The following SYT1 variants were observed in gnomAD, a reference collection of about 807,000 sequenced individuals.
SYT1 encodes synaptotagmin 1.
Under a neutral mutation model 44.8 loss-of-function variants are expected in SYT1, and 8 were observed. The observed-to-expected ratio is 0.18, with a 90% CI of 0.10 to 0.32. The LOEUF is 0.32. SYT1 is among the 10% of genes least tolerant of loss of function. SYT1 has a pLI of 1.00. For synonymous variants in SYT1, 154 were observed against 188.8 expected (o/e 0.82, Z 1.51); for missense variants, 286 against 509.3 (o/e 0.56, Z 4.22).
chr12:78,894,655 T>G (rs955174554), intron 1 of SYT1, among the ~76,000 whole-genome samples: 2 of 151,528 alleles, frequency 1.3e-5, no homozygotes, highest in African/African-American at 4.8e-5. Context: ...TTACGGCTAT[T>G]TAAAGCCAGG....
chr12:79,150,143 GT>G lies in SYT1; in HGVS notation c.-17-67357del, dbSNP rs921546190. ...CATATCCATCAGTTCATATTCTAGT[GT>G]TTCATGGTGAGAGCATTTAAAATCT... On this transcript the variant is annotated intron_variant, in intron 3 of 10. Coordinates refer to ENST00000261205, the MANE Select transcript of SYT1 (RefSeq NM_005639.3). Among the ~76,000 whole-genome samples, 125 of 152,170 alleles carry G rather than the reference GT, an allele frequency of 8.2e-4. 2 individuals are homozygous for G. The highest frequency in any genetic ancestry group is 6.8e-3 in the Middle Eastern group (2 of 292).
At chr12:79,093,634 C>T (rs1212012384) in intron 3 of SYT1, among the ~76,000 whole-genome samples, 1 of 151,626 alleles carries the variant, frequency 6.6e-6, no homozygotes, top group Non-Finnish European at 1.5e-5. Context: ...CTTTACCCAA[C>T]TCTCTTGAAC....
At chr12:79,322,373 T>G (rs1226210498) in intron 8 of SYT1, among the ~76,000 whole-genome samples, 1 of 152,152 alleles carries the variant, frequency 6.6e-6, no homozygotes, top group Non-Finnish European at 1.5e-5. Flanking sequence ...ACTCTGAGAT[T>G]TACCACTTAC....
intron 2 of SYT1, among the ~76,000 whole-genome samples, chr12:79,009,927 G>A (rs1249380796): frequency 1.3e-5 from 2 of 152,046 alleles, no homozygotes; most frequent in Non-Finnish European, 2.9e-5. Flanking sequence ...CCTCATTGCT[G>A]TCACTGTTCT....
chr12:78,889,791 G>A (rs1420816031), intron 1 of SYT1, among the ~76,000 whole-genome samples: 1 of 151,752 alleles, frequency 6.6e-6, no homozygotes, highest in African/African-American at 2.4e-5. Flanking sequence ...AAACACTTTT[G>A]GATTTTGAAA....
chr12:79,312,879 A>G (rs2138944339), intron 8 of SYT1, among the ~76,000 whole-genome samples: 1 of 151,760 alleles, frequency 6.6e-6, no homozygotes, highest in South Asian at 2.1e-4. Flanking sequence ...GTCATGTGTA[A>G]CTAACTTTGT....
chr12:79,201,099 T>A (rs1487187110), intron 3 of SYT1, among the ~76,000 whole-genome samples: 2 of 152,096 alleles, frequency 1.3e-5, no homozygotes, highest in Non-Finnish European at 2.9e-5. Flanking sequence ...CCATGGAGCC[T>A]CTAAAAGGCT....
At chr12:79,082,075 C>T (rs1383162462) in intron 3 of SYT1, among the ~76,000 whole-genome samples, 2 of 152,156 alleles carry the variant, frequency 1.3e-5, no homozygotes, top group Admixed American at 6.5e-5. Context: ...ATGTAGTAAG[C>T]TGGACCTCAA....
intron 4 of SYT1, among the ~76,000 whole-genome samples, chr12:79,223,382 A>G (rs1315764840): frequency 6.6e-6 from 1 of 152,162 alleles, no homozygotes; most frequent in African/African-American, 2.4e-5. Flanking sequence ...GGAGTGGGCA[A>G]GAAGCCTGAG....
intron 4 of SYT1, among the ~76,000 whole-genome samples, chr12:79,228,786 C>T (rs756236882): frequency 8.5e-5 from 13 of 152,164 alleles, no homozygotes; most frequent in Non-Finnish European, 1.6e-4. Context: ...TCAAAACCAG[C>T]CAGCACTTCA....
chr12:79,310,805 G>C (rs1045783810), intron 8 of SYT1, among the ~76,000 whole-genome samples: 1 of 152,048 alleles, frequency 6.6e-6, no homozygotes, highest in Non-Finnish European at 1.5e-5. Flanking sequence ...CTCATAATTT[G>C]GCTCTCTGTT....
chr12:79,136,298 A>AGTT (rs2138196554), intron 3 of SYT1, among the ~76,000 whole-genome samples: 1 of 152,322 alleles, frequency 6.6e-6, no homozygotes, highest in East Asian at 1.9e-4. Flanking sequence ...TTGATAATTT[A>AGTT]GTTATCCCAT....
intron 5 of SYT1, among the ~76,000 whole-genome samples, chr12:79,291,157 T>C (rs929110197): frequency 8.5e-5 from 13 of 152,226 alleles, no homozygotes; most frequent in African/African-American, 2.4e-4. Flanking sequence ...CTTTCTAATA[T>C]TTCCATTTAT....
chr12:79,193,301 G>A (rs1187401574), intron 3 of SYT1, among the ~76,000 whole-genome samples: 1 of 152,012 alleles, frequency 6.6e-6, no homozygotes, highest in East Asian at 1.9e-4. Flanking sequence ...AGATGTACTA[G>A]GGAAATAAAT....
At chr12:79,261,781 A>G in intron 4 of SYT1, among the ~76,000 whole-genome samples, 1 of 152,166 alleles carries the variant, frequency 6.6e-6, no homozygotes, top group South Asian at 2.1e-4. Context: ...TTCAATTTTC[A>G]TGTAAAGAAA....
At chr12:79,040,572 T>C (rs964641897) in intron 2 of SYT1, among the ~76,000 whole-genome samples, 6 of 152,084 alleles carry the variant, frequency 3.9e-5, no homozygotes, top group South Asian at 2.1e-4. Flanking sequence ...ATTTTGTAGG[T>C]TGCCTGTTCA....
chr12:78,921,506 A>G (rs1296059657), intron 1 of SYT1, among the ~76,000 whole-genome samples: 1 of 151,948 alleles, frequency 6.6e-6, no homozygotes, highest in African/African-American at 2.4e-5. Context: ...TTTTCTGTAC[A>G]AGAAAGTCTG....
chr12:79,263,903 A>G (rs1037519367), intron 4 of SYT1, among the ~76,000 whole-genome samples: 1 of 152,060 alleles, frequency 6.6e-6, no homozygotes, highest in Non-Finnish European at 1.5e-5. Flanking sequence ...GCTTTCCTGT[A>G]AGTGAATATG....
At chr12:79,041,650 T>C (rs377754567) in intron 2 of SYT1, among the ~76,000 whole-genome samples, 3,391 of 152,132 alleles carry the variant, frequency 0.022, 60 homozygotes, top group Middle Eastern at 0.078. Flanking sequence ...GGCCAGAACT[T>C]CCAACACTAT....
Sources: allele counts gnomAD v4.1 joint callset (sites outside exome capture counted in the v4.1 genomes callset), GRCh38; gene constraint gnomAD v4.1.1; transcripts MANE v1.5; gene names NCBI Gene and HGNC (gene_info 2026-07-23, HGNC 2026-07-21).